Variants in GPC5 observed in about 807,000 individuals in gnomAD.
The protein encoded by GPC5 is glypican-5.
In GPC5, 47 loss-of-function variants were observed where a neutral mutation model predicts 53.9. That is an observed-to-expected ratio of 0.87 (90% confidence interval 0.69 to 1.11). GPC5 has a LOEUF of 1.11. GPC5 is among the 50% of genes most tolerant of loss of function. GPC5 has a pLI of 0.00. For synonymous variants in GPC5, 286 were observed against 263.3 expected (o/e 1.09, Z -0.84); for missense variants, 748 against 713.1 (o/e 1.05, Z -0.56).
At chr13:92,435,973 A>G (rs1007430228) in intron 7 of GPC5, among the ~76,000 whole-genome samples, 1 of 152,182 alleles carries the variant, frequency 6.6e-6, no homozygotes, top group Non-Finnish European at 1.5e-5. Context: ...ACTCTCTTTA[A>G]GATTTATATT....
intron 1 of GPC5, among the ~76,000 whole-genome samples, chr13:91,417,183 G>C (rs1371638714): frequency 6.6e-6 from 1 of 152,134 alleles, no homozygotes; most frequent in East Asian, 1.9e-4. Context: ...ACTCTGTAGG[G>C]AGGAAGGTAC....
intron 7 of GPC5, among the ~76,000 whole-genome samples, chr13:92,752,429 G>C (rs1046182582): frequency 1.3e-5 from 2 of 152,186 alleles, no homozygotes; most frequent in Non-Finnish European, 2.9e-5. Context: ...TAAGTTGATG[G>C]AATTGTTGTA....
At chr13:92,455,702 C>T (rs1878238334) in intron 7 of GPC5, among the ~76,000 whole-genome samples, 1 of 152,134 alleles carries the variant, frequency 6.6e-6, no homozygotes, top group African/African-American at 2.4e-5. Context: ...ACTTCTGAAA[C>T]TGTATATGTT....
intron 7 of GPC5, among the ~76,000 whole-genome samples, chr13:92,422,235 C>A (rs2139363534): frequency 6.6e-6 from 1 of 152,152 alleles, no homozygotes; most frequent in Admixed American, 6.5e-5. Context: ...TTAAAAGACC[C>A]CTGTAAACCT....
chr13:92,521,053 G>C (rs926765693), intron 7 of GPC5, among the ~76,000 whole-genome samples: 1 of 152,060 alleles, frequency 6.6e-6, no homozygotes, highest in Non-Finnish European at 1.5e-5. Context: ...AAAATACTTA[G>C]GAATCCAACT....
At chr13:92,398,810 A>G (rs1875419171) in intron 7 of GPC5, among the ~76,000 whole-genome samples, 1 of 152,168 alleles carries the variant, frequency 6.6e-6, no homozygotes, top group Non-Finnish European at 1.5e-5. Context: ...CAAAAACTCA[A>G]ATATTTTGCT....
intron 6 of GPC5, among the ~76,000 whole-genome samples, chr13:91,951,325 T>C (rs1350186731): frequency 6.6e-6 from 1 of 151,994 alleles, no homozygotes; most frequent in Non-Finnish European, 1.5e-5. Flanking sequence ...TTGACAAACA[T>C]TGTGTGTGTA....
chr13:92,500,133 G>A (rs1028144092), intron 7 of GPC5, among the ~76,000 whole-genome samples: 1 of 152,160 alleles, frequency 6.6e-6, no homozygotes, highest in Non-Finnish European at 1.5e-5. Context: ...AGGAACACCA[G>A]GAGAAGCCCT....
At chr13:91,737,093 G>A (rs548753854) in intron 4 of GPC5, among the ~76,000 whole-genome samples, 1 of 151,456 alleles carries the variant, frequency 6.6e-6, no homozygotes, top group African/African-American at 2.5e-5. Context: ...AACAGAGCGA[G>A]ACTCCGTCTC....
At chr13:92,706,557 C>T (rs919907134) in intron 7 of GPC5, among the ~76,000 whole-genome samples, 5 of 152,052 alleles carry the variant, frequency 3.3e-5, no homozygotes, top group African/African-American at 4.8e-5. Context: ...TATGATTTTT[C>T]GTCTTACTGC....
intron 6 of GPC5, among the ~76,000 whole-genome samples, chr13:92,134,899 T>G (rs2138967122): frequency 6.6e-6 from 1 of 152,212 alleles, no homozygotes; most frequent in South Asian, 2.1e-4. Context: ...CAAGAAAATC[T>G]TACATTTAAA....
At chr13:92,757,553 A>C (rs554635510) in intron 7 of GPC5, among the ~76,000 whole-genome samples, 27 of 152,286 alleles carry the variant, frequency 1.8e-4, no homozygotes, top group South Asian at 4.1e-4. Flanking sequence ...CAACCTACAA[A>C]ATGGGAGAAA....
intron 5 of GPC5, among the ~76,000 whole-genome samples, chr13:91,904,343 TGAG>T (rs964308052): frequency 2.8e-4 from 42 of 151,850 alleles, no homozygotes; most frequent in African/African-American, 9.4e-4. Flanking sequence ...CCTGGCTTGT[TGAG>T]GAGGATTTTG....
intron 5 of GPC5, among the ~76,000 whole-genome samples, chr13:91,883,373 C>G (rs1445426804): frequency 6.6e-6 from 1 of 152,190 alleles, no homozygotes; most frequent in African/African-American, 2.4e-5. Context: ...TGTCCAGATT[C>G]AGGGGAAGGA....
intron 2 of GPC5, among the ~76,000 whole-genome samples, chr13:91,550,264 A>C (rs1197213896): frequency 1.3e-5 from 2 of 152,026 alleles, no homozygotes; most frequent in African/African-American, 4.8e-5. Flanking sequence ...TAATAGGTAG[A>C]CCATGGAGCA....
At chr13:92,700,400 C>A (rs1890215753) in intron 7 of GPC5, among the ~76,000 whole-genome samples, 1 of 151,640 alleles carries the variant, frequency 6.6e-6, no homozygotes, top group Non-Finnish European at 1.5e-5. Flanking sequence ...ATTCAATTTG[C>A]CAGTCTGTGT....
intron 7 of GPC5, among the ~76,000 whole-genome samples, chr13:92,544,400 A>G (rs1882030527): frequency 1.3e-5 from 2 of 152,344 alleles, no homozygotes; most frequent in African/African-American, 2.4e-5. Flanking sequence ...TAAAAATGTG[A>G]CATTGCTCAA....
Position 92,563,073 on chromosome 13 carries a change from T to C in GPC5, c.1562-303209T>C, listed in dbSNP as rs143986715. Among the ~76,000 whole-genome samples, 999 of 152,080 alleles carry C rather than the reference T, an allele frequency of 6.6e-3. 6 individuals are homozygous for C. The highest frequency in any genetic ancestry group is 0.017 in the Middle Eastern group (5 of 294). Reference sequence around the variant, plus strand: ...CAGTTTGGTGACGGGCAGGTACCAATCAATATCATTTTTCTATAGCAGTCT... The same window carrying C: ...CAGTTTGGTGACGGGCAGGTACCAACCAATATCATTTTTCTATAGCAGTCT... On this transcript the variant is annotated intron_variant, in intron 7 of 7. Transcript: ENST00000377067.
intron 7 of GPC5, among the ~76,000 whole-genome samples, chr13:92,794,198 T>C (rs756717477): frequency 5.9e-5 from 9 of 152,032 alleles, no homozygotes; most frequent in South Asian, 2.1e-4. Flanking sequence ...ATCAAGTCGG[T>C]TTCATCCCTG....
Sources: gnomAD v4.1 joint callset for allele counts (sites outside exome capture counted in the v4.1 genomes callset) on GRCh38, gnomAD v4.1.1 for gene constraint, MANE v1.5 for transcripts, NCBI Gene and HGNC (gene_info 2026-07-23, HGNC 2026-07-21) for gene names.